The following CMC1 variants were observed in gnomAD, a reference collection of about 807,000 sequenced individuals.
The protein encoded by CMC1 is C-X9-C motif containing 1, also known as COX assembly mitochondrial protein homolog.
CMC1 carries 14 observed loss-of-function variants against 14.1 expected under a neutral mutation model. The observed-to-expected ratio is 0.99, with a 90% CI of 0.66 to 1.55. The LOEUF (loss-of-function observed/expected upper bound fraction) is 1.55. Ranked by LOEUF, CMC1 falls within the 40% of genes most tolerant of loss-of-function variation. The probability of loss-of-function intolerance (pLI) is 0.00; values close to 1 mark genes in which losing one functional copy is unlikely to be tolerated. For missense variants in CMC1, 127 were observed against 123.8 expected, an observed-to-expected ratio of 1.03 and a Z score of -0.12; for synonymous variants, 50 against 38.4, an observed-to-expected ratio of 1.30 and a Z score of -1.12.
At position 28,254,184 on chromosome 3, in the gene CMC1, A is replaced by T. The variant is rs542169363; in HGVS notation, c.20-9107A>T. 5.9e-5 allele frequency among the ~76,000 whole-genome samples: 9 copies of T among 152,326 alleles called. No homozygotes were observed. In the South Asian group the frequency reaches 1.9e-3, roughly 32 times the overall value. ...ATACAGTAGCAAACTTTCAAAATTT[A>T]ATTTTTAGTTTTGCAACCTCTGTAC... On this transcript the variant is annotated intron_variant, in intron 1 of 3. Coordinates refer to ENST00000466830, the MANE Select transcript of CMC1 (RefSeq NM_182523.2).
At chr3:28,249,087 G>C (rs932794063) in intron 1 of CMC1, among the ~76,000 whole-genome samples, 2 of 152,212 alleles carry the variant, frequency 1.3e-5, no homozygotes, top group South Asian at 2.1e-4. Context: ...ACTGCGCCCA[G>C]CCTATTTTTG....
chr3:28,295,962 G>A (rs180946631), intron 2 of CMC1, among the ~76,000 whole-genome samples: 1 of 152,132 alleles, frequency 6.6e-6, no homozygotes, highest in African/African-American at 2.4e-5. Flanking sequence ...TATCATCTGG[G>A]TTATATTTCT....
chr3:28,317,230 T>G (rs1702969882), intron 3 of CMC1: 1 of 152,130 alleles, frequency 6.6e-6, no homozygotes, highest in East Asian at 1.9e-4. Flanking sequence ...ACACATAAAC[T>G]TATAGACCTT....
In CMC1 at chr3:28,247,596, A is replaced by G. The variant is rs73061687; in HGVS notation, c.19+5784A>G. Among the ~76,000 whole-genome samples the G allele has an allele frequency of 3.8e-3, 574 of 152,356 alleles. 9 individuals carry two copies. The highest frequency in any genetic ancestry group is 0.02 in the Admixed American group (311 of 15,310). On this transcript the variant is annotated intron_variant, in intron 1 of 3. Coordinates refer to ENST00000466830, the MANE Select transcript of CMC1 (RefSeq NM_182523.2). ...GAAGGTTGCAGATGTGAATGCTCCA[A>G]CATTCTCTGCTGCAGGAGGGATACC...
chr3:28,243,964 G>T (rs982242789), intron 1 of CMC1, among the ~76,000 whole-genome samples: 1 of 152,200 alleles, frequency 6.6e-6, no homozygotes, highest in Non-Finnish European at 1.5e-5. Context: ...GAATCTGAGG[G>T]ATGAGAGGAA....
chr3:28,316,846 T>A (rs1284112025), intron 3 of CMC1: 1 of 152,406 alleles, frequency 6.6e-6, no homozygotes, highest in Non-Finnish European at 1.5e-5. Context: ...ATAAATCGTA[T>A]GGATGATAAA....
chr3:28,314,480 C>T (rs978345342), intron 2 of CMC1, among the ~76,000 whole-genome samples: 24 of 152,262 alleles, frequency 1.6e-4, no homozygotes, highest in African/African-American at 5.1e-4. Flanking sequence ...TACTTGATTA[C>T]GTTTAGAGTC....
chr3:28,248,292 T>C (rs920807695), intron 1 of CMC1, among the ~76,000 whole-genome samples: 1 of 152,178 alleles, frequency 6.6e-6, no homozygotes, highest in African/African-American at 2.4e-5. Flanking sequence ...AAAGGATAGG[T>C]CAGTTAATTT....
At position 28,256,268 on chromosome 3, in the gene CMC1, G is replaced by A. The variant is rs116592617; in HGVS notation, c.20-7023G>A. On this transcript the variant is annotated intron_variant, in intron 1 of 3. Transcript: ENST00000466830. ...AGAAATTGGTTTATGTGATTGTAGG[G>A]ACCAGTTGGGCAAATCTGAAATGCA... Among the ~76,000 whole-genome samples the A allele has an allele frequency of 7.5e-3, 1,142 of 152,066 alleles. 14 individuals carry two copies. The highest frequency in any genetic ancestry group is 0.025 in the African/African-American group (1,056 of 41,454).
chr3:28,313,884 C>T (rs1018370226), intron 2 of CMC1, among the ~76,000 whole-genome samples: 1 of 152,204 alleles, frequency 6.6e-6, no homozygotes, highest in African/African-American at 2.4e-5. Context: ...GCCGTTGTGT[C>T]TGTGTTTTCC....
intron 2 of CMC1, among the ~76,000 whole-genome samples, chr3:28,298,673 A>G (rs1213143009): frequency 6.6e-6 from 1 of 151,974 alleles, no homozygotes; most frequent in Non-Finnish European, 1.5e-5. Flanking sequence ...TCCAACAAAT[A>G]ATTTACTCTT....
chr3:28,316,415 A>G lies in CMC1; in HGVS notation c.192A>G (p.Leu64=). 3.8e-6 allele frequency: 6 copies of G among 1,584,900 alleles called. No homozygotes were observed. Among genetic ancestry groups the G allele is most frequent in the Non-Finnish European group, 4.3e-6 (5 of 1,161,268 alleles). Residue 64 remains leucine (L), a synonymous_variant, in exon 3 of 4, where the codon CTA becomes CTG. Coordinates refer to ENST00000466830, the MANE Select transcript of CMC1 (RefSeq NM_182523.2). ...RKENSALKEC[L]TAYYNDPAFY... ...AAAATTCTGCATTGAAAGAATGTCT[A>G]ACTGCTTAGTAAGTAGTTGTCTCAG...
intron 2 of CMC1, among the ~76,000 whole-genome samples, chr3:28,307,820 T>C (rs1702408607): frequency 6.6e-6 from 1 of 152,246 alleles, no homozygotes; most frequent in South Asian, 2.1e-4. Flanking sequence ...AGTTCCGTAG[T>C]TCTCAAGTGT....
chr3:28,248,923 G>A (rs1183566977), intron 1 of CMC1, among the ~76,000 whole-genome samples: 1 of 151,888 alleles, frequency 6.6e-6, no homozygotes, highest in African/African-American at 2.4e-5. Context: ...CTAAGTAGCT[G>A]GGACTACAGG....
At chr3:28,290,683 A>G (rs780677265) in intron 2 of CMC1, among the ~76,000 whole-genome samples, 3 of 152,214 alleles carry the variant, frequency 2.0e-5, no homozygotes, top group Non-Finnish European at 4.4e-5. Context: ...TTCTTAAATT[A>G]TAATTGAAAA....
In CMC1 at chr3:28,291,200, T is replaced by G. The variant is rs116808162; in HGVS notation, c.110-25133T>G. On this transcript the variant is annotated intron_variant, in intron 2 of 3. Coordinates refer to ENST00000466830, the MANE Select transcript of CMC1 (RefSeq NM_182523.2). ...CATCCTGTCTGCATTACCATACTCTTGGTTAGAAGCAGATCACTAGGTTAG... is the reference window on the plus strand; with the variant it reads ...CATCCTGTCTGCATTACCATACTCTGGGTTAGAAGCAGATCACTAGGTTAG... 4.8e-3 allele frequency among the ~76,000 whole-genome samples: 729 copies of G among 152,222 alleles called. 8 individuals are homozygous for G. The highest frequency in any genetic ancestry group is 0.017 in the African/African-American group (698 of 41,526).
chr3:28,278,153 C>G (rs1476172705), intron 2 of CMC1, among the ~76,000 whole-genome samples: 1 of 108,676 alleles, frequency 9.2e-6, no homozygotes, highest in Non-Finnish European at 1.9e-5. Flanking sequence ...AGAATGAGCA[C>G]ATTTGAGATA....
intron 1 of CMC1, among the ~76,000 whole-genome samples, chr3:28,256,575 T>C (rs923499064): frequency 6.6e-6 from 1 of 152,156 alleles, no homozygotes; most frequent in Non-Finnish European, 1.5e-5. Context: ...TTAACAAACT[T>C]TCAAGGAACT....
At chr3:28,262,949 G>A (rs1449639548) in intron 1 of CMC1, among the ~76,000 whole-genome samples, 2 of 152,086 alleles carry the variant, frequency 1.3e-5, no homozygotes, top group Non-Finnish European at 2.9e-5. Flanking sequence ...TCTCAGTATC[G>A]GTGAAAATCC....
Sources: allele counts gnomAD v4.1 joint callset (sites outside exome capture counted in the v4.1 genomes callset), GRCh38; gene constraint gnomAD v4.1.1; transcripts MANE v1.5; gene names NCBI Gene and HGNC (gene_info 2026-07-23, HGNC 2026-07-21).